The following MYLK3 variants were observed in gnomAD, a reference collection of about 807,000 sequenced individuals.
MYLK3 encodes the protein myosin light chain kinase 3.
In MYLK3, 55 loss-of-function variants were observed where a neutral mutation model predicts 76.3. The ratio of observed to expected loss-of-function variants is 0.72; its 90% CI spans 0.58 to 0.90. The LOEUF is 0.90. Among genes scored for constraint, MYLK3 ranks in the 40% least tolerant of loss-of-function variants. The pLI, the probability that MYLK3 is intolerant of heterozygous loss-of-function variation, is 0.00. For missense variants in MYLK3, 973 were observed against 1,053.6 expected (o/e 0.92, Z 1.06); for synonymous variants, 416 against 425.4 (o/e 0.98, Z 0.27).
intron 9 of MYLK3, among the ~76,000 whole-genome samples, chr16:46,713,275 G>A (rs1033062322): frequency 4.1e-5 from 6 of 146,482 alleles, no homozygotes; most frequent in South Asian, 2.1e-4. Flanking sequence ...TCGGCTCACT[G>A]CAACCTCTGC....
intron 1 of MYLK3, among the ~76,000 whole-genome samples, chr16:46,754,462 G>T (rs1277789663): frequency 6.6e-6 from 1 of 152,108 alleles, no homozygotes; most frequent in Non-Finnish European, 1.5e-5. Context: ...GGATGAATAG[G>T]TTATCATGGG....
chr16:46,709,201 T>C (rs954337544), intron 12 of MYLK3, among the ~76,000 whole-genome samples: 1 of 151,640 alleles, frequency 6.6e-6, no homozygotes, highest in South Asian at 2.1e-4. Flanking sequence ...GCAGGAGGAG[T>C]GCTTGAAGCC....
intron 8 of MYLK3, among the ~76,000 whole-genome samples, chr16:46,725,421 C>A (rs550623674): frequency 2.0e-5 from 3 of 152,304 alleles, no homozygotes; most frequent in African/African-American, 7.2e-5. Flanking sequence ...GGGTTTTTCA[C>A]AAATGGCCGT....
At chr16:46,762,957 C>T (rs998597151) in intron 1 of MYLK3, 10 of 964,124 alleles carry the variant, frequency 1.0e-5, no homozygotes, top group African/African-American at 1.8e-5. Flanking sequence ...AAAGTGTTTT[C>T]TGGTGGGTCT....
At chr16:46,742,082 TA>T (rs1966940549) in intron 1 of MYLK3, among the ~76,000 whole-genome samples, 1 of 152,184 alleles carries the variant, frequency 6.6e-6, no homozygotes, top group African/African-American at 2.4e-5. Flanking sequence ...TTCCCATTTT[TA>T]TTGTGGTGAT....
chr16:46,722,538 T>C (rs1318859813), intron 8 of MYLK3, among the ~76,000 whole-genome samples: 2 of 152,218 alleles, frequency 1.3e-5, no homozygotes, highest in Admixed American at 1.3e-4. Context: ...CTGTCTTCTA[T>C]ATAAGATCTA....
Position 46,737,732 on chromosome 16 carries a change from C to CT in MYLK3, c.979dup (p.Ser327LysfsTer62). The CT allele has an allele frequency of 6.2e-7, 1 of 1,604,878 alleles. No homozygotes were observed. The highest frequency in any genetic ancestry group is 8.5e-7 in the Non-Finnish European group (1 of 1,174,712). Reference sequence around the variant, plus strand: ...TTACCTTGGAGGTGTTTCTCCACCACTGTGGGTTGCCCTGGCCTGGGCTGG... The same window carrying CT: ...TTACCTTGGAGGTGTTTCTCCACCACTTGTGGGTTGCCCTGGCCTGGGCTGG... On this transcript the variant is annotated frameshift_variant, in exon 3 of 13. Coordinates refer to ENST00000394809, the MANE Select transcript of MYLK3 (RefSeq NM_182493.3). LOFTEE classifies it high-confidence loss of function.
rs372717036 is a variant in MYLK3 at position 46,730,598 on chromosome 16, C to T, written c.1563G>A (p.Leu521=). The T allele has an allele frequency of 6.2e-7, 1 of 1,613,888 alleles. No individual in the cohort carries two copies. Among genetic ancestry groups the T allele is most frequent in the African/African-American group, 1.3e-5 (1 of 74,928 alleles). Residue 521 remains leucine, a synonymous_variant, in exon 5 of 13, where the codon TTG becomes TTA. Coordinates refer to ENST00000394809, the MANE Select transcript of MYLK3 (RefSeq NM_182493.3). ...CAAGGCAGATGCCCACCTACCCTCCCAAGACTTCGTGCTGGCACACCTCGT... is the reference window on the plus strand; with the variant it reads ...CAAGGCAGATGCCCACCTACCCTCCTAAGACTTCGTGCTGGCACACCTCGT... ...AGYEVCQHEV[L]GGGRFGQVHR... is the part of the protein sequence containing the mutation.
intron 9 of MYLK3, among the ~76,000 whole-genome samples, chr16:46,718,146 G>A (rs909223984): frequency 1.3e-5 from 2 of 152,272 alleles, no homozygotes; most frequent in African/African-American, 2.4e-5. Context: ...GGCATAGGGG[G>A]ACTAGGCAAT....
intron 8 of MYLK3, among the ~76,000 whole-genome samples, chr16:46,724,563 C>A (rs1268748957): frequency 1.3e-5 from 2 of 152,186 alleles, no homozygotes; most frequent in Non-Finnish European, 2.9e-5. Context: ...CTATAATTTT[C>A]TACTGAATTG....
chr16:46,712,020 T>C (rs182599037), intron 10 of MYLK3, among the ~76,000 whole-genome samples: 2 of 151,874 alleles, frequency 1.3e-5, no homozygotes, highest in Non-Finnish European at 2.9e-5. Flanking sequence ...AGACATGGTC[T>C]TGCTCTGTCA....
intron 9 of MYLK3, among the ~76,000 whole-genome samples, chr16:46,720,036 C>T (rs1000041279): frequency 1.3e-5 from 2 of 152,060 alleles, no homozygotes; most frequent in South Asian, 2.1e-4. Flanking sequence ...AAATTAGCCA[C>T]GTGTGGTGGC....
At position 46,727,177 on chromosome 16, in the gene MYLK3, G is replaced by A. The variant is rs538272164; in HGVS notation, c.1914+59C>T. 7.7e-4 allele frequency: 1,219 copies of A among 1,576,346 alleles called. 13 individuals are homozygous for A. The South Asian group carries it at 0.013, about 17-fold the overall frequency. On this transcript the variant is annotated intron_variant, in intron 8 of 12. Coordinates refer to ENST00000394809, the MANE Select transcript of MYLK3 (RefSeq NM_182493.3). ...CTGTGGATAGAGCTCTCAATGGTGA[G>A]AGCACGCCAGGAGCTAGGACACCAG...
chr16:46,709,829 T>C (rs960701563), intron 11 of MYLK3, among the ~76,000 whole-genome samples, 158 bp from the exon 12 acceptor site: 1 of 152,198 alleles, frequency 6.6e-6, no homozygotes, highest in African/African-American at 2.4e-5. Flanking sequence ...GTGTCTAAAA[T>C]TCCCTTCCTT....
At chr16:46,750,808 G>A (rs546507292), upstream of MYLK3, among the ~76,000 whole-genome samples, 2 of 151,390 alleles carry the variant, frequency 1.3e-5, no homozygotes, top group East Asian at 2.0e-4. Context: ...TGGCTAACAT[G>A]GTGAAATCCC....
At position 46,748,008 on chromosome 16, in the gene MYLK3, C is replaced by A; in HGVS notation, c.186G>T (p.Arg62=). Residue 62 remains arginine, a synonymous_variant, in exon 1 of 13, where the codon CGG becomes CGT. Coordinates refer to ENST00000394809, the MANE Select transcript of MYLK3 (RefSeq NM_182493.3). The surrounding 1 kb of genome is among the most constrained non-coding windows in gnomAD (Gnocchi z 4.3). ...SMCRDMGHLE[R]GLHRLEASRA... ...GGGAGGCCTCCAGCCTGTGCAGGCC[C>A]CGCTCCAGGTGGCCCATGTCTCGGC... 1 of 1,613,832 alleles carries A rather than the reference C, an allele frequency of 6.2e-7. No homozygotes were observed. Among genetic ancestry groups the A allele is most frequent in the South Asian group, 1.1e-5 (1 of 91,088 alleles).
Sources: allele counts gnomAD v4.1 joint callset (sites outside exome capture counted in the v4.1 genomes callset), GRCh38; gene constraint gnomAD v4.1.1; non-coding constraint Gnocchi (gnomAD v3.1); transcripts MANE v1.5; gene names NCBI Gene and HGNC (gene_info 2026-07-23, HGNC 2026-07-21).